The following REEP1 variants were observed in gnomAD, a reference collection of about 807,000 sequenced individuals.
REEP1 encodes receptor expression-enhancing protein 1.
Under a neutral mutation model 40.3 loss-of-function variants are expected in REEP1, and 22 were observed. The observed-to-expected ratio is 0.55, with a 90% confidence interval of 0.39 to 0.78. The LOEUF (loss-of-function observed/expected upper bound fraction) is 0.78, where lower values mean the gene tolerates loss of function less well. Ranked by LOEUF, REEP1 falls within the 30% of genes least tolerant of loss-of-function variation. The pLI, the probability that REEP1 is intolerant of heterozygous loss-of-function variation, is 0.00. For synonymous variants in REEP1, 116 were observed against 139.2 expected (o/e 0.83, Z 1.17); for missense variants, 280 against 361.1 (o/e 0.78, Z 1.82).
intron 1 of REEP1, among the ~76,000 whole-genome samples, chr2:86,302,057 C>T (rs1191636431): frequency 6.6e-6 from 1 of 152,240 alleles, no homozygotes; most frequent in African/African-American, 2.4e-5. Context: ...GCTTGACTTC[C>T]TCATTAATGG....
At chr2:86,285,371 G>T (rs1164125173) in intron 1 of REEP1, among the ~76,000 whole-genome samples, 3 of 152,120 alleles carry the variant, frequency 2.0e-5, no homozygotes, top group Non-Finnish European at 4.4e-5. Flanking sequence ...TACTATTTAA[G>T]CCTGTGACAG....
rs554805259 is a variant in REEP1, at chr2:86,324,251, T to C, written c.32+13228A>G. 1.5e-4 allele frequency among the ~76,000 whole-genome samples: 23 copies of C among 152,168 alleles called. No individual in the cohort carries two copies. In the South Asian group the frequency reaches 4.6e-3, roughly 30 times the overall value. On this transcript the variant is annotated intron_variant, in intron 1 of 8. Transcript: ENST00000538924. ...ACTGGGAGAAGACATTTGTAACACA[T>C]AAATGACAGAAGTTTAGCATCCAGA...
intron 2 of REEP1, among the ~76,000 whole-genome samples, chr2:86,271,225 A>G (rs1677429938): frequency 6.6e-6 from 1 of 151,994 alleles, no homozygotes; most frequent in African/African-American, 2.4e-5. Flanking sequence ...CAAACCAACA[A>G]ACCCAAAGAA....
intron 1 of REEP1, among the ~76,000 whole-genome samples, chr2:86,294,734 G>GATAGATAC (rs1678892698): frequency 7.1e-6 from 1 of 140,524 alleles, no homozygotes; most frequent in South Asian, 2.3e-4. Flanking sequence ...TAGATAGATA[G>GATAGATAC]ATAGATAGAT....
intron 2 of REEP1, among the ~76,000 whole-genome samples, chr2:86,271,313 T>G (rs909991369): frequency 7.2e-6 from 1 of 138,902 alleles, no homozygotes. Context: ...ATAGTAAAAC[T>G]GCTTAAAAAA....
intron 1 of REEP1, among the ~76,000 whole-genome samples, chr2:86,329,229 T>C (rs1680648882): frequency 6.6e-6 from 1 of 152,186 alleles, no homozygotes; most frequent in African/African-American, 2.4e-5. Context: ...TTGGGGTTTT[T>C]ATGGATACAG....
chr2:86,289,204 A>G (rs1364538334), intron 1 of REEP1, among the ~76,000 whole-genome samples: 1 of 152,078 alleles, frequency 6.6e-6, no homozygotes, highest in African/African-American at 2.4e-5. Flanking sequence ...CTAGATTTTC[A>G]TTCATTTGGA....
intron 3 of REEP1, among the ~76,000 whole-genome samples, chr2:86,257,400 C>T (rs1035058507): frequency 6.6e-6 from 1 of 152,140 alleles, no homozygotes; most frequent in African/African-American, 2.4e-5. Context: ...CCCGCCTAAC[C>T]CCTAGTCCCT....
At chr2:86,307,240 C>G (rs1445379782) in intron 1 of REEP1, among the ~76,000 whole-genome samples, 1 of 151,112 alleles carries the variant, frequency 6.6e-6, no homozygotes, top group African/African-American at 2.4e-5. Flanking sequence ...TATCCATGTT[C>G]TACTTTATGG....
intron 2 of REEP1, among the ~76,000 whole-genome samples, chr2:86,280,335 T>C (rs191572558): frequency 1.2e-4 from 18 of 152,368 alleles, no homozygotes; most frequent in African/African-American, 3.1e-4. Flanking sequence ...TCATCAATTA[T>C]GGTTTTCACT....
chr2:86,272,288 T>C (rs966677508), intron 2 of REEP1, among the ~76,000 whole-genome samples: 5 of 152,248 alleles, frequency 3.3e-5, no homozygotes, highest in South Asian at 4.1e-4. Context: ...CAGTGAGTCA[T>C]CTATACTTGC....
rs1674101419 is a variant in REEP1 at position 86,216,142 on chromosome 2, C to G, written c.*897G>C. ...CGATAAAGGAGAAATCGTCCTTTGT[C>G]AAGCACAGAATTACTCCTTCCAGCA... On this transcript the variant is annotated 3_prime_UTR_variant, in exon 9 of 9. Coordinates refer to ENST00000538924, the MANE Select transcript of REEP1 (RefSeq NM_001371279.1). 1 of 152,180 alleles carries G rather than the reference C, an allele frequency of 6.6e-6. No individual in the cohort carries two copies. Among genetic ancestry groups the G allele is most frequent in the Non-Finnish European group, 1.5e-5 (1 of 68,032 alleles). The allele number at this position is 152,180 out of a possible 1,614,324, so 9.4% of individuals were successfully genotyped here. A position where few individuals can be genotyped will look rare whatever the true frequency, so the allele number is the denominator to read the frequency against.
chr2:86,335,795 G>A (rs995808597), intron 1 of REEP1, among the ~76,000 whole-genome samples: 2 of 147,818 alleles, frequency 1.4e-5, no homozygotes, highest in African/African-American at 5.0e-5. Flanking sequence ...GCTTCAGTGA[G>A]CCGAGACTGT....
At chr2:86,322,059 T>C (rs1428120118) in intron 1 of REEP1, among the ~76,000 whole-genome samples, 1 of 152,176 alleles carries the variant, frequency 6.6e-6, no homozygotes, top group Non-Finnish European at 1.5e-5. Flanking sequence ...TTCCAACAGT[T>C]GGAAGATGAA....
At chr2:86,291,958 A>G (rs778159124) in intron 1 of REEP1, among the ~76,000 whole-genome samples, 1 of 152,170 alleles carries the variant, frequency 6.6e-6, no homozygotes, top group African/African-American at 2.4e-5. Flanking sequence ...CCACAATCCA[A>G]TCCACACAAA....
At chr2:86,234,411 G>A (rs1001136039) in intron 5 of REEP1, among the ~76,000 whole-genome samples, 2 of 152,044 alleles carry the variant, frequency 1.3e-5, no homozygotes, top group Non-Finnish European at 2.9e-5. Flanking sequence ...CCGGCTACTC[G>A]GGACACTGAG....
intron 5 of REEP1, among the ~76,000 whole-genome samples, chr2:86,244,080 C>T (rs1417017779): frequency 6.6e-6 from 1 of 152,188 alleles, no homozygotes; most frequent in Non-Finnish European, 1.5e-5. Context: ...AAATCAATGC[C>T]TGCCCTCTGA....
intron 1 of REEP1, among the ~76,000 whole-genome samples, chr2:86,327,971 G>T (rs1448003739): frequency 1.3e-5 from 2 of 152,156 alleles, no homozygotes; most frequent in Admixed American, 6.5e-5. Flanking sequence ...TTTGGTTGGA[G>T]CAGGGTGGCA....
chr2:86,278,931 A>T (rs1677910941), intron 2 of REEP1, among the ~76,000 whole-genome samples: 1 of 152,248 alleles, frequency 6.6e-6, no homozygotes, highest in Non-Finnish European at 1.5e-5. Flanking sequence ...ATCCAGGTAC[A>T]GTAAGTTTGG....
Sources: allele counts gnomAD v4.1 joint callset (sites outside exome capture counted in the v4.1 genomes callset), GRCh38; gene constraint gnomAD v4.1.1; transcripts MANE v1.5; gene names NCBI Gene and HGNC (gene_info 2026-07-23, HGNC 2026-07-21).